The following SMG6 variants were observed in gnomAD, a reference collection of about 807,000 sequenced individuals.
SMG6 encodes SMG6 nonsense mediated mRNA decay factor.
In SMG6, 66 loss-of-function variants were observed where a neutral mutation model predicts 142.2. The observed-to-expected ratio is 0.46, with a 90% CI of 0.38 to 0.57. The LOEUF (loss-of-function observed/expected upper bound fraction) is 0.57. SMG6 is among the 20% of genes least tolerant of loss of function. The pLI, the probability that SMG6 is intolerant of heterozygous loss-of-function variation, is 0.00. For missense variants in SMG6, 1,793 were observed against 1,832.0 expected (o/e 0.98, Z 0.39); for synonymous variants, 779 against 702.4 (o/e 1.11, Z -1.72).
intron 13 of SMG6, among the ~76,000 whole-genome samples, chr17:2,148,859 A>G (rs1185058768): frequency 1.6e-5 from 1 of 64,150 alleles, no homozygotes; most frequent in Non-Finnish European, 3.0e-5. Context: ...ACTCTGTCTC[A>G]AAAAAAAAAA....
chr17:2,239,438 C>T (rs2073748776), intron 9 of SMG6, among the ~76,000 whole-genome samples: 1 of 151,764 alleles, frequency 6.6e-6, no homozygotes, highest in South Asian at 2.1e-4. Flanking sequence ...CTAAAGTGCC[C>T]AACAATAGAT....
intron 13 of SMG6, among the ~76,000 whole-genome samples, chr17:2,159,892 T>C (rs2071121612): frequency 6.6e-6 from 1 of 152,084 alleles, no homozygotes; most frequent in African/African-American, 2.4e-5. Flanking sequence ...TTATGCTGAG[T>C]GACAAAACAA....
intron 10 of SMG6, among the ~76,000 whole-genome samples, chr17:2,198,168 T>A (rs2072390747): frequency 6.6e-6 from 1 of 152,174 alleles, no homozygotes; most frequent in Non-Finnish European, 1.5e-5. Context: ...TAAAAAGGAA[T>A]GAACAACCAA....
intron 10 of SMG6, among the ~76,000 whole-genome samples, chr17:2,235,515 G>A (rs1294868206): frequency 6.6e-6 from 1 of 152,054 alleles, no homozygotes; most frequent in Non-Finnish European, 1.5e-5. Context: ...TATGAAAAGG[G>A]GCAACAAGAG....
chr17:2,172,726 G>C lies in SMG6; in HGVS notation c.3289C>G (p.Leu1097Val). 1 of 1,614,172 alleles carries C rather than the reference G, an allele frequency of 6.2e-7. No individual in the cohort carries two copies. Among genetic ancestry groups the C allele is most frequent in the Non-Finnish European group, 8.5e-7 (1 of 1,180,034 alleles). ...TLLILEEDRL[L>V]SGFVPLLAAP... ...GCCAGCAAGGGGACAAAGCCCGAGA[G>C]AAGCCGATCCTCTTCCAGGATAAGA... The change falls in exon 13 of 19, where the codon CTC becomes GTC. Residue 1097 changes from leucine (L) to valine (V), a missense_variant. Coordinates refer to ENST00000263073, the MANE Select transcript of SMG6 (RefSeq NM_017575.5).
At chr17:2,152,013 T>C (rs1430210534) in intron 13 of SMG6, among the ~76,000 whole-genome samples, 3 of 152,050 alleles carry the variant, frequency 2.0e-5, no homozygotes, top group Non-Finnish European at 4.4e-5. Context: ...TGATTACTTA[T>C]CAAAAAACGA....
At chr17:2,237,610 T>C (rs2073699897) in intron 9 of SMG6, 2 of 970,994 alleles carry the variant, frequency 2.1e-6, no homozygotes, top group Non-Finnish European at 2.4e-6. Flanking sequence ...TAGAATGCCC[T>C]GGCCAAGTGC....
At position 2,292,966 on chromosome 17, in the gene SMG6, G is replaced by A. The variant is rs945982291; in HGVS notation, c.2163C>T (p.Ala721=). ...SKPLRKTVKY[A]LISAQRCMIC... ...TCATGCATCGCTGGGCACTGATCAAGGCATATTTTACCTTCAGGAAAAACA... is the reference window on the plus strand; with the variant it reads ...TCATGCATCGCTGGGCACTGATCAAAGCATATTTTACCTTCAGGAAAAACA... Residue 721 remains alanine (A), a synonymous_variant, in exon 5 of 19, where the codon GCC becomes GCT. Transcript: ENST00000263073. 1 of 1,613,648 alleles carries A rather than the reference G, an allele frequency of 6.2e-7. No individual in the cohort carries two copies. Among genetic ancestry groups the A allele is most frequent in the Non-Finnish European group, 8.5e-7 (1 of 1,179,564 alleles).
At chr17:2,150,570 G>A (rs1329354578) in intron 13 of SMG6, among the ~76,000 whole-genome samples, 1 of 152,044 alleles carries the variant, frequency 6.6e-6, no homozygotes, top group East Asian at 1.9e-4. Flanking sequence ...CATGTCATCA[G>A]GGGTAGCTCA....
At chr17:2,289,867 T>C (rs889035885) in intron 6 of SMG6, among the ~76,000 whole-genome samples, 7 of 150,960 alleles carry the variant, frequency 4.6e-5, no homozygotes, top group African/African-American at 1.7e-4. Flanking sequence ...AAGCCGAGAC[T>C]ACTGCAGCGC....
chr17:2,107,819 G>A (rs1389737306), intron 13 of SMG6, among the ~76,000 whole-genome samples: 1 of 152,198 alleles, frequency 6.6e-6, no homozygotes, highest in Non-Finnish European at 1.5e-5. Context: ...GGGTGGGACT[G>A]CAGAAAGGAA....
At chr17:2,069,140 T>C (rs2068029509) in intron 15 of SMG6, among the ~76,000 whole-genome samples, 1 of 152,134 alleles carries the variant, frequency 6.6e-6, no homozygotes, top group Non-Finnish European at 1.5e-5. Flanking sequence ...GCCCAGGGAA[T>C]GGCATGGGTA....
intron 15 of SMG6, among the ~76,000 whole-genome samples, chr17:2,077,041 T>C (rs1315438125): frequency 1.3e-5 from 2 of 152,178 alleles, no homozygotes; most frequent in African/African-American, 4.8e-5. Context: ...AGCGGATGGA[T>C]CCTGGCAGCA....
At chr17:2,167,728 C>G (rs979307730) in intron 13 of SMG6, among the ~76,000 whole-genome samples, 1 of 152,194 alleles carries the variant, frequency 6.6e-6, no homozygotes, top group African/African-American at 2.4e-5. Flanking sequence ...GAATAAGCAT[C>G]AAGGCAGGAC....
chr17:2,174,853 C>G lies in SMG6; in HGVS notation c.3156-1994G>C, dbSNP rs564540537. Among the ~76,000 whole-genome samples, 13 of 152,248 alleles carry G rather than the reference C, an allele frequency of 8.5e-5. No individual in the cohort carries two copies. In the South Asian group the frequency reaches 2.7e-3, roughly 32 times the overall value. The stretch of plus-strand genomic sequence containing the variant: ...AGCTCCTTTGTGATGTAATGGGAAA[C>G]GCGGCATTCAGGCTACCAGCTGTAG... On this transcript the variant is annotated intron_variant, in intron 12 of 18. Coordinates refer to ENST00000263073, the MANE Select transcript of SMG6 (RefSeq NM_017575.5).
Position 2,300,233 on chromosome 17 carries a change from G to C in SMG6, c.520C>G (p.Gln174Glu). 1 of 1,614,088 alleles carries C rather than the reference G, an allele frequency of 6.2e-7. No homozygotes were observed. The highest frequency in any genetic ancestry group is 8.5e-7 in the Non-Finnish European group (1 of 1,180,046). Residue 174 changes from glutamine to glutamate, a missense_variant, in exon 2 of 19, where the codon CAA becomes GAA. By Grantham distance (29) the Gln-to-Glu change is conservative. Transcript: ENST00000263073. ...CACTCATCTTCCTCTACTCTCAGTTGTTCTACCTGGTTGAGGACTTCTTCC... is the reference window on the plus strand; with the variant it reads ...CACTCATCTTCCTCTACTCTCAGTTCTTCTACCTGGTTGAGGACTTCTTCC... ...EEEEVLNQVE[Q>E]LRVEEDECRG...
intron 13 of SMG6, among the ~76,000 whole-genome samples, chr17:2,091,694 A>G (rs1275748076): frequency 7.0e-6 from 1 of 143,134 alleles, no homozygotes; most frequent in Non-Finnish European, 1.5e-5. Flanking sequence ...TTTTTGAGAG[A>G]GAGTCTCGCT....
At chr17:2,267,087 G>GA (rs1282627274) in intron 8 of SMG6, among the ~76,000 whole-genome samples, 1 of 152,220 alleles carries the variant, frequency 6.6e-6, no homozygotes, top group African/African-American at 2.4e-5. Context: ...CTTCCAGAGT[G>GA]AAGAGTACAG....
chr17:2,200,124 T>C (rs576262148), intron 10 of SMG6: 8 of 152,040 alleles, frequency 5.3e-5, no homozygotes, highest in Non-Finnish European at 8.8e-5. Context: ...TTTCGCTATG[T>C]TGGCTAGGCT....
Sources: gnomAD v4.1 joint callset for allele counts (sites outside exome capture counted in the v4.1 genomes callset) on GRCh38, gnomAD v4.1.1 for gene constraint, MANE v1.5 for transcripts, NCBI Gene and HGNC (gene_info 2026-07-23, HGNC 2026-07-21) for gene names.